NOTCH2: variants seen among roughly 807,000 people sequenced by gnomAD.
NOTCH2 encodes the protein notch receptor 2.
In NOTCH2, 29 loss-of-function variants were observed where a neutral mutation model predicts 235.8. That is an observed-to-expected ratio of 0.12 (90% CI 0.09 to 0.17). NOTCH2 has a LOEUF of 0.17. Ranked by LOEUF, NOTCH2 falls within the 10% of genes least tolerant of loss-of-function variation. NOTCH2 has a pLI of 1.00. For missense variants in NOTCH2, 2,285 were observed against 3,150.2 expected, an observed-to-expected ratio of 0.73 and a Z score of 6.57; for synonymous variants, 1,086 against 1,141.5, an observed-to-expected ratio of 0.95 and a Z score of 0.98.
intron 22 of NOTCH2, among the ~76,000 whole-genome samples, chr1:119,931,314 T>C (rs1422166778): frequency 4.6e-5 from 7 of 152,088 alleles, no homozygotes; most frequent in Admixed American, 3.9e-4. Context: ...ACAACTTTAA[T>C]ACTGTCCTAA....
At chr1:120,033,392 CAG>C (rs1403626358) in intron 1 of NOTCH2, among the ~76,000 whole-genome samples, 2 of 86,578 alleles carry the variant, frequency 2.3e-5, no homozygotes, top group African/African-American at 4.5e-5. Context: ...GCCTGAGTGA[CAG>C]AGAGAGACTC....
At position 119,925,598 on chromosome 1, in the gene NOTCH2, G is replaced by A. The variant is rs749760940; in HGVS notation, c.4218C>T (p.Phe1406=). 1.2e-6 allele frequency: 2 copies of A among 1,614,160 alleles called. No individual in the cohort carries two copies. Among genetic ancestry groups the A allele is most frequent in the Non-Finnish European group, 1.7e-6 (2 of 1,180,028 alleles). Residue 1406 remains phenylalanine (F), a synonymous_variant, in exon 25 of 34, where the codon TTC becomes TTT. Coordinates refer to ENST00000256646, the MANE Select transcript of NOTCH2 (RefSeq NM_024408.4). ...TGTAGAGTTCACAGCGGCTACCCGA[G>A]AATGGTGGGGCACACTGGCAGGAGT... ...PYYSCQCAPP[F]SGSRCELYTA...
chr1:120,048,303 C>T (rs1222156794), intron 1 of NOTCH2, among the ~76,000 whole-genome samples: 1 of 138,548 alleles, frequency 7.2e-6, no homozygotes, highest in East Asian at 2.0e-4. Flanking sequence ...TCTATTCTAC[C>T]CTTTTTTCCC....
intron 6 of NOTCH2, 98 bp downstream of exon 6, chr1:119,969,413 T>TAA (rs1651276117): frequency 1.0e-6 from 1 of 991,252 alleles, no homozygotes; most frequent in Non-Finnish European, 1.6e-6. Flanking sequence ...CCATAGATGG[T>TAA]AACTCAAAGA....
At position 119,925,506 on chromosome 1, in the gene NOTCH2, C is replaced by A; in HGVS notation, c.4310G>T (p.Gly1437Val). The change falls in exon 25 of 34, where the codon GGC (glycine) becomes GTC (valine). Residue 1437 changes from glycine (G) to valine (V), a missense_variant. Physicochemically the swap from Gly to Val is moderately radical, Grantham distance 109 (BLOSUM62 -3). Coordinates refer to ENST00000256646, the MANE Select transcript of NOTCH2 (RefSeq NM_024408.4). ...GCTGTTGCAGGCCTCATCACAGACG[C>A]CATCCCGAGCTTTGTCGGCACAATA... ...SQYCADKARD[G>V]VCDEACNSHA... The A allele has an allele frequency of 1.2e-6, 2 of 1,614,170 alleles. No homozygotes were observed. The highest frequency in any genetic ancestry group is 1.7e-6 in the Non-Finnish European group (2 of 1,180,044).
intron 1 of NOTCH2, among the ~76,000 whole-genome samples, chr1:120,047,924 C>T (rs1479418119): frequency 7.0e-6 from 1 of 142,034 alleles, no homozygotes; most frequent in Non-Finnish European, 1.5e-5. Context: ...GCCACCATGT[C>T]CAGCTAATTT....
chr1:119,946,695 A>G (rs1017895233), intron 17 of NOTCH2, among the ~76,000 whole-genome samples: 1 of 152,096 alleles, frequency 6.6e-6, no homozygotes, highest in Non-Finnish European at 1.5e-5. Flanking sequence ...GGCCTTTATG[A>G]AAACCTATAG....
chr1:119,945,535 A>C (rs1650222295), intron 17 of NOTCH2, among the ~76,000 whole-genome samples: 2 of 152,076 alleles, frequency 1.3e-5, no homozygotes, highest in African/African-American at 4.8e-5. Flanking sequence ...TTAAAAACAC[A>C]CTCTAATAAT....
intron 22 of NOTCH2, 130 bp from the exon 23 acceptor site, chr1:119,929,342 T>G: frequency 3.9e-6 from 3 of 770,292 alleles, no homozygotes; most frequent in Non-Finnish European, 6.9e-6. Flanking sequence ...TGGGACCTTG[T>G]AGTTGGGCAG....
rs760200209 is a variant in NOTCH2, at chr1:119,922,192, C to G, written c.5213+44G>C. On this transcript the variant is annotated intron_variant, in intron 28 of 33. Coordinates refer to ENST00000256646, the MANE Select transcript of NOTCH2 (RefSeq NM_024408.4). ...AACAAGATATGCTTTTCTAGTCATC[C>G]CTACTTATACTGTGAATAGTGGCTT... 8.3e-6 allele frequency: 13 copies of G among 1,572,578 alleles called. No individual in the cohort carries two copies. The South Asian group carries it at 1.4e-4, about 17-fold the overall frequency.
At chr1:119,992,087 CA>C (rs1652271575) in intron 4 of NOTCH2, among the ~76,000 whole-genome samples, 1 of 89,980 alleles carries the variant, frequency 1.1e-5, no homozygotes, top group Non-Finnish European at 2.0e-5. Flanking sequence ...ACTTTGTCAC[CA>C]AAGAAGTCAC....
At chr1:119,924,034 AGCTCTATTT>A (rs1649378463) in intron 25 of NOTCH2, 50 bp from the exon 26 acceptor site, 1 of 1,466,120 alleles carries the variant, frequency 6.8e-7, no homozygotes, top group East Asian at 2.3e-5. Flanking sequence ...ATTAGACTGG[AGCTCTATTT>A]GCTTTTTCAT....
chr1:119,949,931 T>C (rs1650404738), intron 15 of NOTCH2, among the ~76,000 whole-genome samples: 2 of 151,970 alleles, frequency 1.3e-5, no homozygotes, highest in Admixed American at 6.5e-5. Flanking sequence ...GAAAAATAGA[T>C]GAAGAGGAGA....
At chr1:120,066,214 C>G (rs1181975401) in intron 1 of NOTCH2, among the ~76,000 whole-genome samples, 2 of 152,002 alleles carry the variant, frequency 1.3e-5, no homozygotes, top group African/African-American at 2.4e-5. Context: ...ACTGGAATGA[C>G]TAAGGTTACA....
chr1:119,915,249 G>T lies in NOTCH2; in HGVS notation c.*57C>A. On this transcript the variant is annotated 3_prime_UTR_variant, in exon 34 of 34. Transcript: ENST00000256646. ...TTTCTCTCCCGGATGACCTTCATTT[G>T]TTCCTCAGCAGCATTTACAAAAGTC... 4 of 1,555,798 alleles carry T rather than the reference G, an allele frequency of 2.6e-6. No individual in the cohort carries two copies. Among genetic ancestry groups the T allele is most frequent in the East Asian group, 4.5e-5 (2 of 44,634 alleles).
At chr1:119,937,540 A>C in intron 20 of NOTCH2, 74 bp from the exon 21 acceptor site, 1 of 1,409,418 alleles carries the variant, frequency 7.1e-7, no homozygotes, top group Non-Finnish European at 9.8e-7. Context: ...CCAATGAGCA[A>C]GTAAATCTAA....
At chr1:119,944,273 A>G (rs1388622232) in intron 17 of NOTCH2, among the ~76,000 whole-genome samples, 7 of 152,168 alleles carry the variant, frequency 4.6e-5, no homozygotes, top group African/African-American at 1.7e-4. Flanking sequence ...ATGGTGGCTC[A>G]CGCTGTAATC....
chr1:120,068,935 T>C (rs1553217645), intron 1 of NOTCH2: 2 of 824,366 alleles, frequency 2.4e-6, no homozygotes, highest in Non-Finnish European at 3.6e-6. Flanking sequence ...CGCCAGAATC[T>C]GGCATTCCTT....
chr1:120,004,705 G>C (rs1418625927), intron 3 of NOTCH2, among the ~76,000 whole-genome samples: 3 of 152,236 alleles, frequency 2.0e-5, no homozygotes, highest in Admixed American at 2.0e-4. Context: ...AATAACTTCA[G>C]CAACTTTTCC....
Sources: gnomAD v4.1 joint callset for allele counts (sites outside exome capture counted in the v4.1 genomes callset) on GRCh38, gnomAD v4.1.1 for gene constraint, MANE v1.5 for transcripts, NCBI Gene and HGNC (gene_info 2026-07-23, HGNC 2026-07-21) for gene names.